KAZN: variants seen among roughly 807,000 people sequenced by gnomAD.
The protein encoded by KAZN is kazrin.
In KAZN, 40 loss-of-function variants were observed where a neutral mutation model predicts 87.4. The ratio of observed to expected loss-of-function variants is 0.46; its 90% CI spans 0.36 to 0.60. The LOEUF (loss-of-function observed/expected upper bound fraction) is 0.60, where lower values mean the gene tolerates loss of function less well. KAZN is among the 20% of genes least tolerant of loss of function. KAZN has a pLI of 0.00. For missense variants in KAZN, 898 were observed against 1,073.9 expected (o/e 0.84, Z 2.29); for synonymous variants, 466 against 458.3 (o/e 1.02, Z -0.22).
At chr1:13,925,595 C>T (rs1337603670) in intron 1 of KAZN, among the ~76,000 whole-genome samples, 2 of 152,078 alleles carry the variant, frequency 1.3e-5, no homozygotes, top group African/African-American at 2.4e-5. Context: ...AAGTGAGGCC[C>T]GAGAGGCACT....
At chr1:14,615,541 G>A (rs1243973680) in intron 1 of KAZN, among the ~76,000 whole-genome samples, 2 of 152,012 alleles carry the variant, frequency 1.3e-5, no homozygotes, top group Non-Finnish European at 2.9e-5. Context: ...CACAAGAATT[G>A]CTTGAACCCG....
chr1:13,900,758 C>T (rs1358729691), intron 1 of KAZN, among the ~76,000 whole-genome samples: 1 of 152,136 alleles, frequency 6.6e-6, no homozygotes, highest in Non-Finnish European at 1.5e-5. Flanking sequence ...CTCTCTGTGC[C>T]ACATTTTTCT....
At chr1:15,098,070 T>G (rs1358574599) in intron 10 of KAZN, among the ~76,000 whole-genome samples, 1 of 152,152 alleles carries the variant, frequency 6.6e-6, no homozygotes, top group African/African-American at 2.4e-5. Flanking sequence ...ATTCTCCCCG[T>G]TTTACAGAGG....
intron 2 of KAZN, among the ~76,000 whole-genome samples, chr1:15,013,416 A>G (rs1669774851): frequency 6.6e-6 from 1 of 152,200 alleles, no homozygotes; most frequent in Non-Finnish European, 1.5e-5. Flanking sequence ...TAAGTATGGA[A>G]GGAAAATAGC....
intron 1 of KAZN, among the ~76,000 whole-genome samples, chr1:14,846,725 T>C (rs1012649089): frequency 6.6e-6 from 1 of 152,190 alleles, no homozygotes; most frequent in Non-Finnish European, 1.5e-5. Flanking sequence ...CAGCTGACAA[T>C]AACACTTACC....
Position 14,548,493 on chromosome 1 carries a change from C to T in KAZN, c.250-50490C>T, listed in dbSNP as rs555694333. On this transcript the variant is annotated intron_variant, in intron 2 of 16. Transcript: ENST00000636203. Reference sequence around the variant, plus strand: ...CGATTACAGGCGTGAGCTACCGTGCCCAGCCTCCACGCATTTCTTTATCAT... The same window carrying T: ...CGATTACAGGCGTGAGCTACCGTGCTCAGCCTCCACGCATTTCTTTATCAT... Among the ~76,000 whole-genome samples the T allele has an allele frequency of 7.9e-5, 12 of 152,266 alleles. No homozygotes were observed. In the East Asian group the frequency reaches 9.7e-4, roughly 12 times the overall value.
At chr1:14,514,167 AC>A (rs368761432) in intron 2 of KAZN, among the ~76,000 whole-genome samples, 5,861 of 144,906 alleles carry the variant, frequency 0.04, 164 homozygotes, top group African/African-American at 0.073. Flanking sequence ...AAAAAAAAAT[AC>A]AAAAAAATTA....
intron 1 of KAZN, among the ~76,000 whole-genome samples, chr1:13,990,878 G>T (rs1278192159): frequency 6.6e-6 from 1 of 152,302 alleles, no homozygotes; most frequent in African/African-American, 2.4e-5. Flanking sequence ...AGTGATTACT[G>T]TAAATCCTTT....
intron 2 of KAZN, among the ~76,000 whole-genome samples, chr1:14,267,960 G>A (rs777319149): frequency 5.9e-5 from 9 of 152,078 alleles, no homozygotes; most frequent in South Asian, 2.1e-4. Context: ...ACTCTGTCTC[G>A]AAAAGAAAAG....
intron 2 of KAZN, among the ~76,000 whole-genome samples, chr1:14,213,282 C>G: frequency 6.6e-6 from 1 of 152,308 alleles, no homozygotes; most frequent in Non-Finnish European, 1.5e-5. Context: ...CTGGGTCATG[C>G]AGAGTCCTTC....
rs28627782 is a variant in KAZN at position 15,063,822 on chromosome 1, G to A, written c.1098+200G>A. 1.1e-3 allele frequency among the ~76,000 whole-genome samples: 137 copies of A among 126,774 alleles called. 1 individual carries two copies. Among genetic ancestry groups the A allele is most frequent in the African/African-American group, 6.6e-3 (127 of 19,382 alleles). The allele number at this position is 126,774 out of a possible 152,430, so 83.2% of individuals were successfully genotyped here. A position where few individuals can be genotyped will look rare whatever the true frequency, so the allele number is the denominator to read the frequency against. On this transcript the variant is annotated intron_variant, in intron 7 of 14. Transcript: ENST00000376030. ...CCACTTCCGCTGAGCCCACATCCAT[G>A]CCGCACACCCAAGGCGGAGAGGATT... is the stretch of plus-strand genomic sequence containing the variant.
At chr1:14,503,209 C>A (rs1164389119) in intron 2 of KAZN, among the ~76,000 whole-genome samples, 2 of 151,896 alleles carry the variant, frequency 1.3e-5, no homozygotes, top group African/African-American at 2.4e-5. Context: ...ACTGGCCGTG[C>A]GTGGTGGCTC....
chr1:14,990,625 T>G (rs1398464358), intron 2 of KAZN, among the ~76,000 whole-genome samples: 1 of 152,064 alleles, frequency 6.6e-6, no homozygotes, highest in Admixed American at 6.6e-5. Flanking sequence ...GCAGAGTCAT[T>G]GCAGCAGAGA....
At chr1:14,403,363 A>C (rs12097152) in intron 2 of KAZN, among the ~76,000 whole-genome samples, 2 of 152,224 alleles carry the variant, frequency 1.3e-5, no homozygotes, top group East Asian at 1.9e-4. Flanking sequence ...CTTCAGGCTC[A>C]GCCAAGAGTT....
intron 2 of KAZN, among the ~76,000 whole-genome samples, chr1:14,253,808 T>G (rs1041321523): frequency 2.0e-5 from 3 of 152,076 alleles, no homozygotes; most frequent in African/African-American, 4.8e-5. Context: ...CAGGGTGCTT[T>G]CTTTCATTTC....
At chr1:15,102,992 G>A (rs1641133898) in intron 11 of KAZN, among the ~76,000 whole-genome samples, 1 of 152,222 alleles carries the variant, frequency 6.6e-6, no homozygotes, top group Non-Finnish European at 1.5e-5. Context: ...CAGGCCTGGT[G>A]GCTCACGCCT....
chr1:14,065,018 T>C (rs1439078868), intron 1 of KAZN, among the ~76,000 whole-genome samples: 2 of 152,112 alleles, frequency 1.3e-5, no homozygotes, highest in African/African-American at 4.8e-5. Flanking sequence ...GGAACAGGCT[T>C]TGGGGCCCTG....
At chr1:14,224,836 T>G (rs1647207199) in intron 2 of KAZN, among the ~76,000 whole-genome samples, 1 of 152,220 alleles carries the variant, frequency 6.6e-6, no homozygotes, top group Non-Finnish European at 1.5e-5. Flanking sequence ...GTTTGCTCCC[T>G]TAAAATAAAC....
chr1:14,466,149 G>A (rs1425888227), intron 2 of KAZN, among the ~76,000 whole-genome samples: 2 of 152,044 alleles, frequency 1.3e-5, no homozygotes, highest in Non-Finnish European at 1.5e-5. Flanking sequence ...TATCCCTGTC[G>A]GTAAGCAACA....
Sources: gnomAD v4.1 joint callset for allele counts (sites outside exome capture counted in the v4.1 genomes callset) on GRCh38, gnomAD v4.1.1 for gene constraint, MANE v1.5 for transcripts, NCBI Gene and HGNC (gene_info 2026-07-23, HGNC 2026-07-21) for gene names.